The following GPC5 variants were observed in gnomAD, a reference collection of about 807,000 sequenced individuals.
The protein encoded by GPC5 is glypican-5.
A neutral mutation model predicts 53.9 loss-of-function variants in GPC5; 47 were observed. That is an observed-to-expected ratio of 0.87 (90% CI 0.69 to 1.11). The LOEUF (loss-of-function observed/expected upper bound fraction) is 1.11. Ranked by LOEUF, GPC5 falls within the 50% of genes most tolerant of loss-of-function variation. The pLI is 0.00. For missense variants in GPC5, 748 were observed against 713.1 expected, an observed-to-expected ratio of 1.05 and a Z score of -0.56; for synonymous variants, 286 against 263.3, an observed-to-expected ratio of 1.09 and a Z score of -0.84.
chr13:92,418,383 G>A (rs1217728492), intron 7 of GPC5, among the ~76,000 whole-genome samples: 1 of 152,122 alleles, frequency 6.6e-6, no homozygotes, highest in African/African-American at 2.4e-5. Flanking sequence ...CACAGAGTTG[G>A]GAGATCACGT....
chr13:92,466,955 G>C (rs550276830), intron 7 of GPC5, among the ~76,000 whole-genome samples: 1 of 152,232 alleles, frequency 6.6e-6, no homozygotes, highest in East Asian at 1.9e-4. Flanking sequence ...AATATGAGGT[G>C]CTAATTAAAA....
chr13:92,542,707 T>A (rs1881970424), intron 7 of GPC5, among the ~76,000 whole-genome samples: 1 of 152,094 alleles, frequency 6.6e-6, no homozygotes, highest in South Asian at 2.1e-4. Context: ...TTTGCTTGTC[T>A]GGGAAAGACT....
intron 6 of GPC5, among the ~76,000 whole-genome samples, chr13:92,116,445 C>A (rs2041602488): frequency 6.6e-6 from 1 of 152,180 alleles, no homozygotes; most frequent in Non-Finnish European, 1.5e-5. Context: ...GTTTAAGCCT[C>A]CCGGTTTGTG....
At chr13:91,767,099 T>A (rs1263656792) in intron 5 of GPC5, among the ~76,000 whole-genome samples, 1 of 152,168 alleles carries the variant, frequency 6.6e-6, no homozygotes, top group Non-Finnish European at 1.5e-5. Flanking sequence ...GACAAAGGCA[T>A]ATGCATTCTT....
At chr13:92,794,664 C>T (rs1466256297) in intron 7 of GPC5, among the ~76,000 whole-genome samples, 1 of 152,162 alleles carries the variant, frequency 6.6e-6, no homozygotes, top group Non-Finnish European at 1.5e-5. Flanking sequence ...TCTCCATAAG[C>T]TGATAAGCAA....
chr13:92,330,202 T>C (rs2043279545), intron 7 of GPC5, among the ~76,000 whole-genome samples: 2 of 152,124 alleles, frequency 1.3e-5, no homozygotes, highest in Non-Finnish European at 2.9e-5. Context: ...GGAGGGAAAT[T>C]GTAGGACTGC....
intron 5 of GPC5, among the ~76,000 whole-genome samples, chr13:91,852,062 T>C (rs1347679123): frequency 1.3e-5 from 2 of 151,850 alleles, no homozygotes; most frequent in African/African-American, 4.8e-5. Flanking sequence ...TCTAGATCCC[T>C]GAGGAATCGC....
chr13:92,818,820 A>G (rs1237642652), intron 7 of GPC5, among the ~76,000 whole-genome samples: 2 of 151,950 alleles, frequency 1.3e-5, no homozygotes, highest in Admixed American at 6.5e-5. Flanking sequence ...AGGAACTTGG[A>G]AAAAAGGAAA....
chr13:91,719,934 T>A (rs1049077403), intron 3 of GPC5, among the ~76,000 whole-genome samples: 4 of 152,174 alleles, frequency 2.6e-5, no homozygotes, highest in Admixed American at 2.6e-4. Flanking sequence ...GATAAAGCTA[T>A]AAAGAAAGGC....
intron 7 of GPC5, among the ~76,000 whole-genome samples, chr13:92,487,640 T>C (rs1220790870): frequency 1.3e-5 from 2 of 152,146 alleles, no homozygotes; most frequent in Admixed American, 1.3e-4. Flanking sequence ...ACTATTTAAG[T>C]GCTGCACGTG....
chr13:91,848,761 A>G (rs942683539), intron 5 of GPC5, among the ~76,000 whole-genome samples: 4 of 152,232 alleles, frequency 2.6e-5, no homozygotes, highest in Admixed American at 2.0e-4. Flanking sequence ...CTTCTGAGCC[A>G]GAGACATTCT....
rs943860508 is a variant in GPC5 at position 92,326,136 on chromosome 13, G to C, written c.1561+181147G>C. ...AAAATATTATTTACTGTATTATGTAGATGTTGCCACCCTGAGTGAAGAATA... is the reference window on the plus strand; with the variant it reads ...AAAATATTATTTACTGTATTATGTACATGTTGCCACCCTGAGTGAAGAATA... On this transcript the variant is annotated intron_variant, in intron 7 of 7. Coordinates refer to ENST00000377067, the MANE Select transcript of GPC5 (RefSeq NM_004466.6). Among the ~76,000 whole-genome samples, 7 of 152,028 alleles carry C rather than the reference G, an allele frequency of 4.6e-5. 1 individual carries two copies. Among genetic ancestry groups the C allele is most frequent in the African/African-American group, 1.7e-4 (7 of 41,406 alleles).
rs2035599997 is a variant in GPC5, at chr13:91,685,361, C to G, written c.326-7826C>G. Reference sequence around the variant, plus strand: ...ATCATTTTGCCCAAACCAGTTTGTCCAAATCAATATTTTAATTTAGCAAAT... The same window carrying G: ...ATCATTTTGCCCAAACCAGTTTGTCGAAATCAATATTTTAATTTAGCAAAT... On this transcript the variant is annotated intron_variant, in intron 2 of 7. Coordinates refer to ENST00000377067, the MANE Select transcript of GPC5 (RefSeq NM_004466.6). 3.3e-5 allele frequency among the ~76,000 whole-genome samples: 5 copies of G among 152,190 alleles called. 1 individual carries two copies. In the South Asian group the frequency reaches 8.3e-4, roughly 25 times the overall value.
At chr13:92,361,889 TAAG>T (rs1022343916) in intron 7 of GPC5, among the ~76,000 whole-genome samples, 1 of 151,590 alleles carries the variant, frequency 6.6e-6, no homozygotes, top group Non-Finnish European at 1.5e-5. Context: ...GATGATAGCA[TAAG>T]AAGCTAATGA....
At chr13:91,958,778 A>C (rs2040097910) in intron 6 of GPC5, among the ~76,000 whole-genome samples, 1 of 152,152 alleles carries the variant, frequency 6.6e-6, no homozygotes, top group East Asian at 1.9e-4. Context: ...CCTGAATTAC[A>C]ACTGGGTCAA....
chr13:92,573,408 C>T (rs939548480), intron 7 of GPC5, among the ~76,000 whole-genome samples: 2 of 152,074 alleles, frequency 1.3e-5, no homozygotes, highest in African/African-American at 4.8e-5. Context: ...ACATTTATTG[C>T]CTCATTGTAC....
intron 5 of GPC5, among the ~76,000 whole-genome samples, chr13:91,896,885 C>T (rs958341115): frequency 1.3e-5 from 2 of 152,100 alleles, no homozygotes; most frequent in African/African-American, 2.4e-5. Flanking sequence ...TATATACAAG[C>T]GAACACAAAT....
chr13:92,846,880 T>A (rs2138839741), intron 7 of GPC5, among the ~76,000 whole-genome samples: 1 of 152,344 alleles, frequency 6.6e-6, no homozygotes, highest in Middle Eastern at 3.4e-3. Context: ...ATAAAAAGTA[T>A]GCCCATCTCA....
At chr13:92,569,384 T>C (rs148166115) in intron 7 of GPC5, among the ~76,000 whole-genome samples, 9 of 152,170 alleles carry the variant, frequency 5.9e-5, no homozygotes, top group African/African-American at 2.2e-4. Context: ...CACAATATTT[T>C]ATTCCATCAA....
Sources: allele counts gnomAD v4.1 joint callset (sites outside exome capture counted in the v4.1 genomes callset), GRCh38; gene constraint gnomAD v4.1.1; transcripts MANE v1.5; gene names NCBI Gene and HGNC (gene_info 2026-07-23, HGNC 2026-07-21).